IL1RAPL2: variants seen among roughly 807,000 people sequenced by gnomAD.
IL1RAPL2 encodes the protein interleukin 1 receptor accessory protein like 2.
In IL1RAPL2, 3 loss-of-function variants were observed where a neutral mutation model predicts 44.1. The ratio of observed to expected loss-of-function variants is 0.07; its 90% CI spans 0.03 to 0.18. IL1RAPL2 has a LOEUF of 0.18. Among genes scored for constraint, IL1RAPL2 ranks in the 10% least tolerant of loss-of-function variants. The pLI is 1.00. For missense variants in IL1RAPL2, 391 were observed against 496.4 expected (o/e 0.79, Z 2.02); for synonymous variants, 181 against 178.8 (o/e 1.01, Z -0.10).
chrX:104,986,413 T>C (rs915041333), intron 2 of IL1RAPL2, among the ~76,000 whole-genome samples: 4 of 112,513 alleles, frequency 3.6e-5, no homozygotes, highest in African/African-American at 1.3e-4. Flanking sequence ...TCTAAAGGCT[T>C]AGTAATTGAT....
intron 5 of IL1RAPL2, among the ~76,000 whole-genome samples, chrX:105,295,751 TGTG>T (rs1478153155): frequency 8.9e-6 from 1 of 111,884 alleles, no homozygotes; most frequent in Non-Finnish European, 1.9e-5. Context: ...TACTATGGCT[TGTG>T]GTAAAAAAAA....
chrX:104,690,093 G>A (rs113392357), intron 2 of IL1RAPL2, among the ~76,000 whole-genome samples: 32 of 112,013 alleles, frequency 2.9e-4, no homozygotes, highest in Admixed American at 9.5e-5. Context: ...AATGGATTAT[G>A]AGCAACACAA....
At chrX:105,740,170 G>A (rs2038486792) in intron 7 of IL1RAPL2, among the ~76,000 whole-genome samples, 1 of 111,212 alleles carries the variant, frequency 9.0e-6, no homozygotes, top group South Asian at 3.8e-4. Flanking sequence ...GAGCAGAACT[G>A]AAGGAAATAG....
At position 105,321,444 on chromosome X, in the gene IL1RAPL2, G is replaced by A. The variant is rs760061024; in HGVS notation, c.697+53903G>A. The stretch of plus-strand genomic sequence containing the variant: ...GGCTACATAATTTGCATGGCCCAGT[G>A]TAAAATTAAAATGCAAGGCTCTTTG... On this transcript the variant is annotated intron_variant, in intron 5 of 10. Transcript: ENST00000372582. Among the ~76,000 whole-genome samples, 3 of 112,024 alleles carry A rather than the reference G, an allele frequency of 2.7e-5. No individual in the cohort carries two copies. In the South Asian group the frequency reaches 1.1e-3, roughly 42 times the overall value.
intron 6 of IL1RAPL2, among the ~76,000 whole-genome samples, chrX:105,679,041 T>C (rs1282079751): frequency 9.1e-6 from 1 of 109,503 alleles, no homozygotes; most frequent in Admixed American, 9.8e-5. Context: ...TTTTTTTTTT[T>C]TACTATCATG....
At chrX:104,824,807 A>G (rs1416751829) in intron 2 of IL1RAPL2, among the ~76,000 whole-genome samples, 1 of 111,222 alleles carries the variant, frequency 9.0e-6, no homozygotes, top group Non-Finnish European at 1.9e-5. Context: ...CTAGTGGTCT[A>G]TTTTGTTAAT....
At chrX:105,534,360 T>A (rs1439342985) in intron 6 of IL1RAPL2, among the ~76,000 whole-genome samples, 1 of 111,826 alleles carries the variant, frequency 8.9e-6, no homozygotes, top group African/African-American at 3.3e-5. Context: ...TCAAAATAAT[T>A]TAACTGTATA....
intron 5 of IL1RAPL2, among the ~76,000 whole-genome samples, chrX:105,436,281 A>C (rs991640979): frequency 9.0e-6 from 1 of 110,835 alleles, no homozygotes; most frequent in Non-Finnish European, 1.9e-5. Flanking sequence ...CATGAGGGCA[A>C]TCATGCTGGG....
intron 2 of IL1RAPL2, among the ~76,000 whole-genome samples, chrX:105,082,221 G>T (rs1482347299): frequency 9.0e-6 from 1 of 111,566 alleles, no homozygotes; most frequent in Non-Finnish European, 1.9e-5. Flanking sequence ...TATGTGTCCA[G>T]GAATTTATCC....
At chrX:104,881,333 T>C (rs1413878779) in intron 2 of IL1RAPL2, among the ~76,000 whole-genome samples, 2 of 112,037 alleles carry the variant, frequency 1.8e-5, no homozygotes, top group African/African-American at 6.5e-5. Flanking sequence ...GTAAAAGTGG[T>C]CATTTTTCAT....
chrX:104,621,676 T>C (rs1929404304), intron 1 of IL1RAPL2, among the ~76,000 whole-genome samples: 1 of 111,233 alleles, frequency 9.0e-6, no homozygotes, highest in Non-Finnish European at 1.9e-5. Context: ...TATTAGGAGA[T>C]GTTGGTAATG....
chrX:105,337,497 AC>A (rs2035037219), intron 5 of IL1RAPL2, among the ~76,000 whole-genome samples: 1 of 112,369 alleles, frequency 8.9e-6, no homozygotes. Flanking sequence ...TGTTGCAAAT[AC>A]TGTGGATTAA....
At chrX:104,782,545 G>A (rs1932780084) in intron 2 of IL1RAPL2, among the ~76,000 whole-genome samples, 1 of 111,730 alleles carries the variant, frequency 9.0e-6, no homozygotes, top group Non-Finnish European at 1.9e-5. Context: ...TCAAACTTTT[G>A]TTCTGTCTAC....
At chrX:104,948,460 T>G (rs1257299296) in intron 2 of IL1RAPL2, among the ~76,000 whole-genome samples, 1 of 96,066 alleles carries the variant, frequency 1.0e-5, no homozygotes, top group Non-Finnish European at 2.1e-5. Flanking sequence ...CTATGTTGAA[T>G]AGGAGTGGTG....
intron 2 of IL1RAPL2, among the ~76,000 whole-genome samples, chrX:104,893,796 A>G (rs1480209270): frequency 9.0e-6 from 1 of 111,339 alleles, no homozygotes; most frequent in African/African-American, 3.3e-5. Flanking sequence ...GTTTAAGGTT[A>G]ATATTGTTAT....
chrX:105,267,295 T>C, intron 4 of IL1RAPL2, 93 bp from the exon 5 acceptor site: 1 of 792,892 alleles, frequency 1.3e-6, no homozygotes, highest in South Asian at 2.5e-5. Context: ...CGAAAGAGAA[T>C]AATACAAAAA....
intron 6 of IL1RAPL2, among the ~76,000 whole-genome samples, chrX:105,629,865 A>G: frequency 9.0e-6 from 1 of 111,680 alleles, no homozygotes; most frequent in East Asian, 2.8e-4. Context: ...GTTTGAAATT[A>G]GATGTGCCTT....
In IL1RAPL2 at chrX:105,432,406, A is replaced by G. The variant is rs1009763873; in HGVS notation, c.698-51907A>G. On this transcript the variant is annotated intron_variant, in intron 5 of 10. Transcript: ENST00000372582. ...CTTCAGTATGGGAGAGGTATAGGTGATATAGAAGGTTTTCTTACTGTCACT... is the reference window on the plus strand; with the variant it reads ...CTTCAGTATGGGAGAGGTATAGGTGGTATAGAAGGTTTTCTTACTGTCACT... Among the ~76,000 whole-genome samples, 8 of 109,915 alleles carry G rather than the reference A, an allele frequency of 7.3e-5. No individual in the cohort carries two copies. The Admixed American group carries it at 7.8e-4, about 11-fold the overall frequency.
At chrX:105,127,353 A>G (rs1281913016) in intron 2 of IL1RAPL2, among the ~76,000 whole-genome samples, 1 of 111,414 alleles carries the variant, frequency 9.0e-6, no homozygotes, top group Non-Finnish European at 1.9e-5. Context: ...TATTTGTTCA[A>G]TATATTTATC....
Sources: allele counts gnomAD v4.1 joint callset (sites outside exome capture counted in the v4.1 genomes callset), GRCh38; gene constraint gnomAD v4.1.1; transcripts MANE v1.5; gene names NCBI Gene and HGNC (gene_info 2026-07-23, HGNC 2026-07-21).